The following CALN1 variants were observed in gnomAD, a reference collection of about 807,000 sequenced individuals.
The protein encoded by CALN1 is calcium-binding protein 8.
Under a neutral mutation model 30.6 loss-of-function variants are expected in CALN1, and 17 were observed. That is an observed-to-expected ratio of 0.56 (90% CI 0.38 to 0.83). The LOEUF (loss-of-function observed/expected upper bound fraction) is 0.83, where lower values mean the gene tolerates loss of function less well. Among genes scored for constraint, CALN1 ranks in the 40% least tolerant of loss-of-function variants. The pLI is 0.00. For synonymous variants in CALN1, 156 were observed against 131.4 expected (o/e 1.19, Z -1.28); for missense variants, 291 against 354.9 (o/e 0.82, Z 1.45).
chr7:72,378,898 T>G (rs1000686475), intron 2 of CALN1, among the ~76,000 whole-genome samples: 1 of 152,118 alleles, frequency 6.6e-6, no homozygotes, highest in East Asian at 1.9e-4. Flanking sequence ...GTTTTTCTTT[T>G]TAAGCCAGGA....
chr7:71,917,204 T>C (rs1157613840), intron 5 of CALN1, among the ~76,000 whole-genome samples: 1 of 152,130 alleles, frequency 6.6e-6, no homozygotes, highest in Non-Finnish European at 1.5e-5. Flanking sequence ...CATTTGGAAA[T>C]GCCATCAAAG....
At chr7:71,992,471 C>T (rs1799005701) in intron 5 of CALN1, among the ~76,000 whole-genome samples, 1 of 152,168 alleles carries the variant, frequency 6.6e-6, no homozygotes, top group Non-Finnish European at 1.5e-5. Flanking sequence ...ATCCTCCCAC[C>T]TCAGCCTCCT....
chr7:72,483,441 T>C, the CALN1 span, among the ~76,000 whole-genome samples: 2 of 151,992 alleles, frequency 1.3e-5, no homozygotes, highest in African/African-American at 4.8e-5. Context: ...CCCACCACCA[T>C]GCCCAGCTAA....
intron 5 of CALN1, among the ~76,000 whole-genome samples, chr7:71,995,986 T>G (rs1182700474): frequency 2.0e-5 from 3 of 152,102 alleles, no homozygotes; most frequent in East Asian, 3.9e-4. Flanking sequence ...CTGCCATCTT[T>G]GCCTAAGAAA....
intron 2 of CALN1, among the ~76,000 whole-genome samples, chr7:72,393,568 A>G (rs1341085141): frequency 6.6e-6 from 1 of 152,196 alleles, no homozygotes; most frequent in Non-Finnish European, 1.5e-5. Flanking sequence ...CAAGGAGGAC[A>G]CTGCATGAAC....
In CALN1 at chr7:72,412,056, A is replaced by C. The variant is rs1346359123; in HGVS notation, c.-74+2T>G. ...ACCATGCTCTTTAGTTTCTGTGCCC[A>C]CCTGTGTGCGGAATTTATTCCTTCT... is the stretch of plus-strand genomic sequence containing the variant. On this transcript the variant is annotated splice_donor_variant, in intron 1 of 6. Transcript: ENST00000395275. LOFTEE classifies it low-confidence loss of function (5UTR_SPLICE). 6.6e-6 allele frequency: 1 copy of C among 152,080 alleles called. No homozygotes were observed. The highest frequency in any genetic ancestry group is 1.5e-5 in the Non-Finnish European group (1 of 68,030). 9.4% of individuals were successfully genotyped at this position (152,080 alleles called of 1,614,324 possible). A position where few individuals can be genotyped will look rare whatever the true frequency, so the allele number is the denominator to read the frequency against.
chr7:72,392,664 G>A (rs528565291), intron 2 of CALN1, among the ~76,000 whole-genome samples: 5 of 152,188 alleles, frequency 3.3e-5, no homozygotes, highest in African/African-American at 9.6e-5. Flanking sequence ...TTCTCAATAG[G>A]AGCAAAATCC....
At chr7:72,436,173 T>A (rs1035934238) in intron 1 of CALN1, among the ~76,000 whole-genome samples, 1 of 152,226 alleles carries the variant, frequency 6.6e-6, no homozygotes, top group African/African-American at 2.4e-5. Context: ...TGATATGGTT[T>A]GGCTGTGTCC....
intron 1 of CALN1, among the ~76,000 whole-genome samples, chr7:72,443,513 C>T (rs959409167): frequency 2.0e-5 from 3 of 152,136 alleles, no homozygotes; most frequent in Admixed American, 1.3e-4. Flanking sequence ...AGATTTGCTG[C>T]CACTCCCTCG....
At chr7:72,362,610 TCA>T (rs748122003) in intron 2 of CALN1, among the ~76,000 whole-genome samples, 10 of 152,182 alleles carry the variant, frequency 6.6e-5, no homozygotes, top group African/African-American at 1.2e-4. Context: ...GCCTCTCATC[TCA>T]CACTCTTTTA....
chr7:72,212,497 T>C (rs1792486300), intron 3 of CALN1, among the ~76,000 whole-genome samples: 1 of 151,768 alleles, frequency 6.6e-6, no homozygotes, highest in African/African-American at 2.4e-5. Flanking sequence ...GCATTGGGGG[T>C]ACCATAGAAG....
chr7:71,956,372 G>A (rs10259883), intron 5 of CALN1, among the ~76,000 whole-genome samples: 48,818 of 151,954 alleles, frequency 0.32, 8,069 homozygotes, highest in South Asian at 0.44. Flanking sequence ...TATGCTGTAG[G>A]GGAGGACTTG....
chr7:72,402,878 TAAC>T (rs1226223977), intron 2 of CALN1, among the ~76,000 whole-genome samples: 1 of 152,220 alleles, frequency 6.6e-6, no homozygotes, highest in African/African-American at 2.4e-5. Flanking sequence ...GAAACGAGAT[TAAC>T]AATACCCTCA....
At chr7:71,948,659 A>G (rs1489684233) in intron 5 of CALN1, among the ~76,000 whole-genome samples, 1 of 149,818 alleles carries the variant, frequency 6.7e-6, no homozygotes, top group Admixed American at 6.7e-5. Flanking sequence ...TGAACACAGG[A>G]GGTAGAGATT....
At chr7:72,216,431 G>T (rs1297735603) in intron 3 of CALN1, among the ~76,000 whole-genome samples, 1 of 151,492 alleles carries the variant, frequency 6.6e-6, no homozygotes, top group Admixed American at 6.6e-5. Context: ...AAACATTAAA[G>T]ATAAATAAAT....
At chr7:72,336,932 G>T (rs912738921) in intron 2 of CALN1, 4 of 985,068 alleles carry the variant, frequency 4.1e-6, no homozygotes, top group Non-Finnish European at 4.8e-6. Context: ...CGCGCGCCGG[G>T]ACCTGCACGA....
At chr7:72,071,784 C>T (rs844750) in intron 4 of CALN1, among the ~76,000 whole-genome samples, 112,321 of 152,124 alleles carry the variant, frequency 0.74, 42,011 homozygotes, top group East Asian at 1. Flanking sequence ...TCAACAAAAA[C>T]TGTCTTTCAA....
Position 71,998,105 on chromosome 7 carries a change from G to A in CALN1, c.501+25552C>T, listed in dbSNP as rs112024770. Among the ~76,000 whole-genome samples, 670 of 152,060 alleles carry A rather than the reference G, an allele frequency of 4.4e-3. 7 individuals are homozygous for A. Among genetic ancestry groups the A allele is most frequent in the African/African-American group, 0.014 (590 of 41,470 alleles). On this transcript the variant is annotated intron_variant, in intron 5 of 6. Transcript: ENST00000395275. ...CTCCCAAAGTGCTGGGATTATAGTC[G>A]TCAGCCATGGTGCCCAGCCCATCTA...
chr7:72,250,810 C>A (rs747237288), intron 3 of CALN1, among the ~76,000 whole-genome samples: 10 of 152,162 alleles, frequency 6.6e-5, no homozygotes, highest in Non-Finnish European at 1.5e-4. Flanking sequence ...CAGATGCAGG[C>A]ACCACGCTCG....
Sources: allele counts gnomAD v4.1 joint callset (sites outside exome capture counted in the v4.1 genomes callset), GRCh38; gene constraint gnomAD v4.1.1; transcripts MANE v1.5; gene names NCBI Gene and HGNC (gene_info 2026-07-23, HGNC 2026-07-21).